The following MAGI1 variants were observed in gnomAD, a reference collection of about 807,000 sequenced individuals.
MAGI1 encodes the protein membrane associated guanylate kinase, WW and PDZ domain containing 1.
MAGI1 carries 58 observed loss-of-function variants against 139.9 expected under a neutral mutation model. That is an observed-to-expected ratio of 0.41 (90% CI 0.34 to 0.52). The LOEUF (loss-of-function observed/expected upper bound fraction) is 0.52, where lower values mean the gene tolerates loss of function less well. MAGI1 is among the 20% of genes least tolerant of loss of function. The pLI, the probability that MAGI1 is intolerant of heterozygous loss-of-function variation, is 0.12. For missense variants in MAGI1, 1,874 were observed against 1,901.6 expected, an observed-to-expected ratio of 0.99 and a Z score of 0.27; for synonymous variants, 812 against 737.9, an observed-to-expected ratio of 1.10 and a Z score of -1.63.
intron 1 of MAGI1, among the ~76,000 whole-genome samples, chr3:65,988,035 G>C (rs902634445): frequency 1.3e-5 from 2 of 152,186 alleles, no homozygotes; most frequent in African/African-American, 4.8e-5. Context: ...AGATATAAGT[G>C]TAAGTTATTA....
chr3:65,752,709 A>C (rs543486009), intron 1 of MAGI1, among the ~76,000 whole-genome samples: 13 of 152,090 alleles, frequency 8.5e-5, no homozygotes, highest in African/African-American at 2.9e-4. Flanking sequence ...CTAGGCCTCA[A>C]CCTTAACCCC....
intron 1 of MAGI1, among the ~76,000 whole-genome samples, chr3:65,943,489 C>T (rs986835924): frequency 3.3e-5 from 5 of 151,724 alleles, no homozygotes; most frequent in African/African-American, 4.8e-5. Context: ...GCAGGAGAAT[C>T]GCTTGAACCC....
At chr3:65,876,605 G>C (rs774545281) in intron 1 of MAGI1, among the ~76,000 whole-genome samples, 7 of 152,026 alleles carry the variant, frequency 4.6e-5, no homozygotes, top group African/African-American at 4.8e-5. Context: ...AATGCCAGAA[G>C]GAACAGCTTA....
At chr3:65,942,054 TG>T (rs1248879857) in intron 1 of MAGI1, among the ~76,000 whole-genome samples, 1 of 152,224 alleles carries the variant, frequency 6.6e-6, no homozygotes, top group Non-Finnish European at 1.5e-5. Flanking sequence ...CCCAAAATGC[TG>T]GGATTATAGG....
chr3:65,752,321 A>C (rs975989995), intron 1 of MAGI1, among the ~76,000 whole-genome samples: 1 of 152,186 alleles, frequency 6.6e-6, no homozygotes, highest in African/African-American at 2.4e-5. Flanking sequence ...TAGGTAAGTA[A>C]CTTAGCCTCT....
At chr3:65,741,483 A>G (rs12485714) in intron 1 of MAGI1, among the ~76,000 whole-genome samples, 84,277 of 152,108 alleles carry the variant, frequency 0.55, 23,967 homozygotes, top group South Asian at 0.68. Flanking sequence ...CTATTGCTTT[A>G]TTTATTAAGC....
intron 1 of MAGI1, among the ~76,000 whole-genome samples, chr3:65,636,358 A>G (rs960916984): frequency 3.9e-5 from 6 of 152,198 alleles, no homozygotes; most frequent in African/African-American, 1.4e-4. Flanking sequence ...AGATATTTCT[A>G]ATCTCCATAA....
chr3:65,804,612 G>A (rs1414924643), intron 1 of MAGI1, among the ~76,000 whole-genome samples: 1 of 151,992 alleles, frequency 6.6e-6, no homozygotes, highest in Non-Finnish European at 1.5e-5. Flanking sequence ...TACACATCAT[G>A]AACTATAGCA....
At chr3:65,357,568 G>A (rs748720617) in intron 22 of MAGI1, among the ~76,000 whole-genome samples, 3 of 124,978 alleles carry the variant, frequency 2.4e-5, no homozygotes, top group Non-Finnish European at 4.8e-5. Flanking sequence ...AAGAATACTT[G>A]TTTTGATTTA....
intron 14 of MAGI1, among the ~76,000 whole-genome samples, chr3:65,384,018 T>C (rs1046929247): frequency 3.9e-5 from 6 of 152,174 alleles, no homozygotes; most frequent in Admixed American, 3.9e-4. Flanking sequence ...TAAGTCAGAG[T>C]CACCTCTGAA....
chr3:65,755,249 C>T (rs2036475355), intron 1 of MAGI1, among the ~76,000 whole-genome samples: 1 of 152,076 alleles, frequency 6.6e-6, no homozygotes, highest in African/African-American at 2.4e-5. Flanking sequence ...CGCTCGGCCA[C>T]AAATAGTACA....
At chr3:65,921,416 C>G (rs1372188193) in intron 1 of MAGI1, among the ~76,000 whole-genome samples, 1 of 151,326 alleles carries the variant, frequency 6.6e-6, no homozygotes, top group Non-Finnish European at 1.5e-5. Flanking sequence ...TCAAGTAATT[C>G]TCCCATCTCA....
chr3:65,711,421 A>C (rs773542972), intron 1 of MAGI1, among the ~76,000 whole-genome samples: 6 of 152,194 alleles, frequency 3.9e-5, no homozygotes, highest in Non-Finnish European at 8.8e-5. Flanking sequence ...AAAAACAGAT[A>C]ATTCAAAACT....
intron 1 of MAGI1, among the ~76,000 whole-genome samples, chr3:65,763,114 C>G (rs977669010): frequency 6.6e-6 from 1 of 152,108 alleles, no homozygotes; most frequent in East Asian, 1.9e-4. Flanking sequence ...GTGATAAAAC[C>G]CCCATGTGCA....
At chr3:65,626,687 G>A (rs566870754) in intron 1 of MAGI1, among the ~76,000 whole-genome samples, 1 of 152,200 alleles carries the variant, frequency 6.6e-6, no homozygotes, top group South Asian at 2.1e-4. Flanking sequence ...ACTAGCCAAG[G>A]TAGCTAGGGT....
intron 1 of MAGI1, among the ~76,000 whole-genome samples, chr3:66,001,931 C>T (rs1349559555): frequency 6.6e-6 from 1 of 152,196 alleles, no homozygotes; most frequent in Non-Finnish European, 1.5e-5. Context: ...AAGGTCCAAA[C>T]CTTCCCCTTG....
intron 1 of MAGI1, chr3:65,844,415 T>A: frequency 5.8e-6 from 2 of 345,296 alleles, no homozygotes; most frequent in Admixed American, 4.0e-5. Flanking sequence ...CAGAAGAAAC[T>A]GAAGAAACAA....
intron 1 of MAGI1, among the ~76,000 whole-genome samples, chr3:65,637,573 AAAGAAAGAAAG>A (rs2084709015): frequency 7.3e-6 from 1 of 137,622 alleles, no homozygotes; most frequent in Admixed American, 8.3e-5. Flanking sequence ...AGAAAGAAAG[AAAGAAAGAAAG>A]AAAGAAAGAA....
At chr3:65,566,842 C>T (rs7629222) in intron 2 of MAGI1, among the ~76,000 whole-genome samples, 5,484 of 148,626 alleles carry the variant, frequency 0.037, 311 homozygotes, top group African/African-American at 0.13. Context: ...GGTGATCCAC[C>T]CGCCTGGGCC....
Sources: gnomAD v4.1 joint callset for allele counts (sites outside exome capture counted in the v4.1 genomes callset) on GRCh38, gnomAD v4.1.1 for gene constraint, MANE v1.5 for transcripts, NCBI Gene and HGNC (gene_info 2026-07-23, HGNC 2026-07-21) for gene names.